Variants in CFAP61 observed in about 807,000 individuals in gnomAD.
CFAP61 encodes cilia- and flagella-associated protein 61.
Under a neutral mutation model 135.6 loss-of-function variants are expected in CFAP61, and 107 were observed. The observed-to-expected ratio is 0.79, with a 90% CI of 0.67 to 0.93. The LOEUF (loss-of-function observed/expected upper bound fraction) is 0.93, where lower values mean the gene tolerates loss of function less well. Among genes scored for constraint, CFAP61 ranks in the 40% least tolerant of loss-of-function variants. The pLI is 0.00. For missense variants in CFAP61, 1,507 were observed against 1,556.2 expected, an observed-to-expected ratio of 0.97 and a Z score of 0.53; for synonymous variants, 575 against 578.5, an observed-to-expected ratio of 0.99 and a Z score of 0.09.
At chr20:20,134,593 G>A (rs1369854922) in intron 8 of CFAP61, among the ~76,000 whole-genome samples, 1 of 152,154 alleles carries the variant, frequency 6.6e-6, no homozygotes, top group Non-Finnish European at 1.5e-5. Context: ...AAGGAGATGA[G>A]GAGGGATTGA....
chr20:20,280,106 T>C (rs1418917789), intron 22 of CFAP61, among the ~76,000 whole-genome samples: 2 of 152,102 alleles, frequency 1.3e-5, no homozygotes, highest in African/African-American at 4.8e-5. Context: ...AATAAAGCCT[T>C]TGTCGATGTA....
At chr20:20,260,783 C>T (rs986928991) in intron 20 of CFAP61, among the ~76,000 whole-genome samples, 2 of 152,150 alleles carry the variant, frequency 1.3e-5, no homozygotes, top group African/African-American at 2.4e-5. Context: ...TGCCACTTTC[C>T]GCCAAGGCTT....
chr20:20,206,095 G>T (rs1373882648), intron 17 of CFAP61, among the ~76,000 whole-genome samples: 2 of 152,160 alleles, frequency 1.3e-5, no homozygotes, highest in Admixed American at 6.5e-5. Flanking sequence ...CAGGTGGCAA[G>T]ATGAGGCTGT....
intron 26 of CFAP61, among the ~76,000 whole-genome samples, chr20:20,348,531 T>G (rs2058712299): frequency 6.6e-6 from 1 of 150,596 alleles, no homozygotes; most frequent in Non-Finnish European, 1.5e-5. Flanking sequence ...CTGGTAAAAA[T>G]ATAAAAAAAT....
intron 13 of CFAP61, among the ~76,000 whole-genome samples, chr20:20,170,038 T>C (rs1240119604): frequency 2.0e-5 from 3 of 152,246 alleles, no homozygotes; most frequent in African/African-American, 7.2e-5. Context: ...ACATGGTCCC[T>C]GCCTTTTCAA....
At chr20:20,128,933 T>G (rs1358238531) in intron 8 of CFAP61, among the ~76,000 whole-genome samples, 2 of 151,692 alleles carry the variant, frequency 1.3e-5, no homozygotes, top group African/African-American at 4.9e-5. Context: ...AGATTTTGAC[T>G]TTTGGTTATC....
At chr20:20,214,685 C>T (rs1601440847) in intron 17 of CFAP61, among the ~76,000 whole-genome samples, 1 of 152,230 alleles carries the variant, frequency 6.6e-6, no homozygotes, top group Admixed American at 6.5e-5. Context: ...AGACTCACAG[C>T]CCCCTGGACC....
intron 6 of CFAP61, among the ~76,000 whole-genome samples, chr20:20,076,770 T>C (rs2046078997): frequency 6.6e-6 from 1 of 152,220 alleles, no homozygotes; most frequent in South Asian, 2.1e-4. Context: ...AGCAGTGGTA[T>C]GGCATCGTTG....
chr20:20,257,713 T>C (rs1027432849), intron 20 of CFAP61, among the ~76,000 whole-genome samples: 1 of 152,024 alleles, frequency 6.6e-6, no homozygotes, highest in African/African-American at 2.4e-5. Context: ...ACAAACAATT[T>C]AAAAATGTAA....
intron 18 of CFAP61, among the ~76,000 whole-genome samples, chr20:20,238,238 C>T (rs1278244920): frequency 6.6e-6 from 1 of 152,138 alleles, no homozygotes; most frequent in African/African-American, 2.4e-5. Context: ...TCACAGAGCT[C>T]CCAACTTCTA....
intron 10 of CFAP61, among the ~76,000 whole-genome samples, chr20:20,162,158 G>A (rs555938142): frequency 5.9e-5 from 9 of 152,204 alleles, no homozygotes; most frequent in South Asian, 4.2e-4. Flanking sequence ...AGCTGGCAGC[G>A]CAGCATCTTC....
chr20:20,270,066 A>G (rs2053227466), intron 21 of CFAP61, among the ~76,000 whole-genome samples: 1 of 152,250 alleles, frequency 6.6e-6, no homozygotes, highest in African/African-American at 2.4e-5. Flanking sequence ...TCATTAAAAT[A>G]CAAAAGAATA....
intron 25 of CFAP61, among the ~76,000 whole-genome samples, chr20:20,304,654 G>A (rs1043358915): frequency 6.6e-6 from 1 of 151,922 alleles, no homozygotes; most frequent in African/African-American, 2.4e-5. Context: ...TCCCTTGGCA[G>A]TATTTAGAAT....
chr20:20,205,078 A>G (rs1277689940), intron 17 of CFAP61, among the ~76,000 whole-genome samples: 1 of 152,054 alleles, frequency 6.6e-6, no homozygotes, highest in Non-Finnish European at 1.5e-5. Flanking sequence ...AATATGTTAT[A>G]TATTATATAA....
intron 25 of CFAP61, among the ~76,000 whole-genome samples, chr20:20,321,028 G>A (rs2057485181): frequency 6.6e-6 from 1 of 151,322 alleles, no homozygotes; most frequent in South Asian, 2.1e-4. Flanking sequence ...AACAAAAATA[G>A]GGCAGTTATT....
At chr20:20,185,854 A>G (rs1231545798) in intron 13 of CFAP61, among the ~76,000 whole-genome samples, 2 of 152,182 alleles carry the variant, frequency 1.3e-5, no homozygotes, top group African/African-American at 4.8e-5. Flanking sequence ...CTTCCTAGTG[A>G]ACTTTTATTA....
chr20:20,061,273 A>G (rs2044775611), intron 2 of CFAP61, among the ~76,000 whole-genome samples: 1 of 152,236 alleles, frequency 6.6e-6, no homozygotes, highest in African/African-American at 2.4e-5. Flanking sequence ...AGAAACAAAA[A>G]GCATAGAATG....
At chr20:20,160,834 G>T (rs2053335223) in intron 10 of CFAP61, among the ~76,000 whole-genome samples, 1 of 152,174 alleles carries the variant, frequency 6.6e-6, no homozygotes, top group Admixed American at 6.5e-5. Context: ...GGCTGTTTGG[G>T]GAAGCAGCCA....
At chr20:20,102,354 T>C (rs976887240) in intron 8 of CFAP61, among the ~76,000 whole-genome samples, 14 of 152,200 alleles carry the variant, frequency 9.2e-5, no homozygotes, top group African/African-American at 1.9e-4. Flanking sequence ...AGAGTATAAA[T>C]ACCCCAGCTC....
Sources: allele counts gnomAD v4.1 joint callset (sites outside exome capture counted in the v4.1 genomes callset), GRCh38; gene constraint gnomAD v4.1.1; transcripts MANE v1.5; gene names NCBI Gene and HGNC (gene_info 2026-07-23, HGNC 2026-07-21).